Variants in CHST3 observed in about 807,000 individuals in gnomAD.
CHST3 encodes the protein carbohydrate sulfotransferase 3, also known as C6ST-1.
A neutral mutation model predicts 35.4 loss-of-function variants in CHST3; 20 were observed. That is an observed-to-expected ratio of 0.57 (90% CI 0.40 to 0.82). The LOEUF is 0.82. CHST3 is among the 40% of genes least tolerant of loss of function. The pLI is 0.00. For missense variants in CHST3, 693 were observed against 670.1 expected (o/e 1.03, Z -0.38); for synonymous variants, 334 against 295.9 (o/e 1.13, Z -1.32).
chr10:71,991,417 C>T (rs1839895512), intron 1 of CHST3, among the ~76,000 whole-genome samples: 1 of 152,172 alleles, frequency 6.6e-6, no homozygotes, highest in Admixed American at 6.5e-5. Context: ...CTGAAATATT[C>T]ATAGGGGATT....
chr10:71,978,490 G>A (rs963544483), intron 1 of CHST3, among the ~76,000 whole-genome samples: 1 of 151,922 alleles, frequency 6.6e-6, no homozygotes, highest in African/African-American at 2.4e-5. Context: ...TCAACAATCC[G>A]CTCCCTTCCT....
chr10:71,977,198 C>A (rs1381822310), intron 1 of CHST3, among the ~76,000 whole-genome samples: 1 of 152,244 alleles, frequency 6.6e-6, no homozygotes, highest in South Asian at 2.1e-4. Context: ...AGTCCCAGCC[C>A]CCAGACCTGA....
At chr10:72,006,799 G>A (rs1388037785) in intron 2 of CHST3, among the ~76,000 whole-genome samples, 1 of 152,184 alleles carries the variant, frequency 6.6e-6, no homozygotes, top group East Asian at 1.9e-4. Flanking sequence ...GTGCCTATTG[G>A]GTTCTACTGC....
intron 1 of CHST3, among the ~76,000 whole-genome samples, chr10:71,995,373 C>T (rs940694027): frequency 2.0e-5 from 3 of 149,400 alleles, no homozygotes; most frequent in East Asian, 2.0e-4. Context: ...TGCAGTGAGC[C>T]GAGATCACGC....
At chr10:72,001,592 G>A (rs188181821) in intron 1 of CHST3, among the ~76,000 whole-genome samples, 17 of 151,902 alleles carry the variant, frequency 1.1e-4, no homozygotes, top group South Asian at 2.1e-4. Flanking sequence ...TCCTGCCTCC[G>A]CCTCCCAAAT....
intron 1 of CHST3, among the ~76,000 whole-genome samples, chr10:71,994,110 C>T (rs902268648): frequency 1.3e-5 from 2 of 151,418 alleles, no homozygotes; most frequent in African/African-American, 2.4e-5. Context: ...AAAACAACAA[C>T]GAAAATTAGC....
At chr10:72,001,101 G>A (rs999585917) in intron 1 of CHST3, among the ~76,000 whole-genome samples, 2 of 152,192 alleles carry the variant, frequency 1.3e-5, no homozygotes, top group African/African-American at 4.8e-5. Context: ...GAACTGTATC[G>A]TAGGTGGGAT....
chr10:71,972,917 T>A (rs1257938547), intron 1 of CHST3, among the ~76,000 whole-genome samples: 1 of 152,212 alleles, frequency 6.6e-6, no homozygotes, highest in Non-Finnish European at 1.5e-5. Context: ...TGTGGTATTA[T>A]GATTGCTGGT....
chr10:71,965,724 T>A (rs892764872), intron 1 of CHST3, among the ~76,000 whole-genome samples: 7 of 152,196 alleles, frequency 4.6e-5, no homozygotes, highest in African/African-American at 1.7e-4. Flanking sequence ...ATGACACCGG[T>A]AATTATCATT....
rs573852121 is a variant in CHST3 at position 71,990,458 on chromosome 10, C to T, written c.-107-15278C>T. Among the ~76,000 whole-genome samples the T allele has an allele frequency of 1.1e-4, 16 of 152,222 alleles. No individual in the cohort carries two copies. The East Asian group carries it at 2.5e-3, about 24-fold the overall frequency. On this transcript the variant is annotated intron_variant, in intron 1 of 2. Transcript: ENST00000373115. The stretch of plus-strand genomic sequence containing the variant: ...GGCTCACCGCAACCTCCACCTCCCA[C>T]GTTCAAGCAATTCTCCTGCCTCAGC...
intron 1 of CHST3, among the ~76,000 whole-genome samples, chr10:71,978,363 C>T (rs1386920465): frequency 6.8e-6 from 1 of 148,040 alleles, no homozygotes; most frequent in Non-Finnish European, 1.5e-5. Flanking sequence ...GAGCCTCCGT[C>T]TTAAAAAAAA....
Position 72,009,771 on chromosome 10 carries a change from G to C in CHST3, c.*1300G>C, listed in dbSNP as rs1006461774. On this transcript the variant is annotated 3_prime_UTR_variant, in exon 3 of 3. Coordinates refer to ENST00000373115, the MANE Select transcript of CHST3 (RefSeq NM_004273.5). ...GGCCCTGGGAAGAGTATTGCTTAACGCAGGATGTGCTGGGTGTTTTGTTTC... is the reference window on the plus strand; with the variant it reads ...GGCCCTGGGAAGAGTATTGCTTAACCCAGGATGTGCTGGGTGTTTTGTTTC... 2.0e-5 allele frequency: 3 copies of C among 152,618 alleles called. No homozygotes were observed. Among genetic ancestry groups the C allele is most frequent in the African/African-American group, 7.2e-5 (3 of 41,454 alleles). The allele number at this position is 152,618 out of a possible 1,614,324, so 9.5% of individuals were successfully genotyped here. A position where few individuals can be genotyped will look rare whatever the true frequency, so the allele number is the denominator to read the frequency against.
At chr10:71,977,182 G>GC (rs1839754081) in intron 1 of CHST3, among the ~76,000 whole-genome samples, 1 of 152,204 alleles carries the variant, frequency 6.6e-6, no homozygotes, top group South Asian at 2.1e-4. Flanking sequence ...AAGTGTTGCT[G>GC]CCCACAGTCC....
chr10:72,003,092 C>T (rs1356689722), intron 1 of CHST3, among the ~76,000 whole-genome samples: 1 of 152,220 alleles, frequency 6.6e-6, no homozygotes, highest in Admixed American at 6.5e-5. Flanking sequence ...TCAGTTTCCT[C>T]ACCTGTAAAA....
At chr10:71,966,992 G>A (rs1839637639) in intron 1 of CHST3, among the ~76,000 whole-genome samples, 1 of 152,120 alleles carries the variant, frequency 6.6e-6, no homozygotes, top group African/African-American at 2.4e-5. Context: ...AGTAAGCATA[G>A]TACCCAATAG....
chr10:71,982,595 A>G (rs191614457), intron 1 of CHST3, among the ~76,000 whole-genome samples: 1 of 152,146 alleles, frequency 6.6e-6, no homozygotes, highest in Admixed American at 6.5e-5. Flanking sequence ...CTCTACAAAA[A>G]TAAAAAAATT....
At position 71,999,981 on chromosome 10, in the gene CHST3, G is replaced by A. The variant is rs557796158; in HGVS notation, c.-107-5755G>A. Among the ~76,000 whole-genome samples, 6 of 152,354 alleles carry A rather than the reference G, an allele frequency of 3.9e-5. No individual in the cohort carries two copies. The East Asian group carries it at 5.8e-4, about 15-fold the overall frequency. On this transcript the variant is annotated intron_variant, in intron 1 of 2. Transcript: ENST00000373115. ...GCTGTGAGAGGCTGGATGGAAACAA[G>A]AATTCAAGAGACTAAAGTTATGTGC...
At chr10:71,981,470 A>ACAATGG (rs1318337507) in intron 1 of CHST3, among the ~76,000 whole-genome samples, 2 of 152,210 alleles carry the variant, frequency 1.3e-5, no homozygotes, top group African/African-American at 2.4e-5. Context: ...TGTTCCAGTA[A>ACAATGG]CAATGGCCCG....
Position 72,008,199 on chromosome 10 carries a change from G to A in CHST3, c.1168G>A (p.Gly390Ser). The change falls in exon 3 of 3, where the codon GGC becomes AGC. Residue 390 changes from glycine to serine, a missense_variant. Transcript: ENST00000373115. ...GGCCCGCGAGATGTACCGCTTCGCC[G>A]GCATCCCCCTGACCCCGCAGGTGGA... ...QKAREMYRFA[G>S]IPLTPQVEDW... The A allele has an allele frequency of 2.6e-6, 4 of 1,551,116 alleles. No individual in the cohort carries two copies. Among genetic ancestry groups the A allele is most frequent in the East Asian group, 2.4e-5 (1 of 41,026 alleles).
Sources: gnomAD v4.1 joint callset for allele counts (sites outside exome capture counted in the v4.1 genomes callset) on GRCh38, gnomAD v4.1.1 for gene constraint, MANE v1.5 for transcripts, NCBI Gene and HGNC (gene_info 2026-07-23, HGNC 2026-07-21) for gene names.